The following ADAD1 variants were observed in gnomAD, a reference collection of about 807,000 sequenced individuals.
ADAD1 encodes adenosine deaminase domain containing 1, also known as adenosine deaminase domain-containing protein 1.
In ADAD1, 46 loss-of-function variants were observed where a neutral mutation model predicts 66.8. The observed-to-expected ratio is 0.69, with a 90% CI of 0.54 to 0.88. ADAD1 has a LOEUF of 0.88. Ranked by LOEUF, ADAD1 falls within the 40% of genes least tolerant of loss-of-function variation. The probability of loss-of-function intolerance (pLI) is 0.00; values close to 1 mark genes in which losing one functional copy is unlikely to be tolerated. For synonymous variants in ADAD1, 248 were observed against 229.4 expected (o/e 1.08, Z -0.73); for missense variants, 617 against 681.8 (o/e 0.91, Z 1.06).
chr4:122,412,855 A>G, intron 10 of ADAD1, 46 bp downstream of exon 10: 1 of 1,485,954 alleles, frequency 6.7e-7, no homozygotes, highest in African/African-American at 1.4e-5. Context: ...TCACTAAGCA[A>G]ATTCTCTGTA....
intron 11 of ADAD1, among the ~76,000 whole-genome samples, chr4:122,420,284 G>A (rs1227343407): frequency 2.6e-5 from 4 of 152,208 alleles, no homozygotes; most frequent in African/African-American, 9.6e-5. Context: ...AAGTTCTTGA[G>A]TCAGCTGAAT....
intron 10 of ADAD1, 46 bp from the exon 11 acceptor site, chr4:122,415,333 A>C: frequency 7.2e-7 from 1 of 1,395,242 alleles, no homozygotes; most frequent in Non-Finnish European, 1.0e-6. Context: ...TTATTTTGGG[A>C]TGTTCTTTTA....
At chr4:122,383,693 G>A in intron 4 of ADAD1, 106 bp from the exon 5 acceptor site, 1 of 1,259,792 alleles carries the variant, frequency 7.9e-7, no homozygotes. Context: ...TGTTTATGAG[G>A]TAGTTTTTGA....
chr4:122,413,797 G>A (rs966410128), intron 10 of ADAD1, among the ~76,000 whole-genome samples: 6 of 148,396 alleles, frequency 4.0e-5, no homozygotes, highest in Non-Finnish European at 8.9e-5. Context: ...TAGTGGTAGA[G>A]CCTGAATTCA....
chr4:122,379,191 C>T (rs1489600671), intron 1 of ADAD1, 76 bp downstream of exon 1: 1 of 152,310 alleles, frequency 6.6e-6, no homozygotes, highest in African/African-American at 2.4e-5. Flanking sequence ...AAATAATCAT[C>T]CCTACAGTGC....
At chr4:122,420,286 C>G (rs1266022864) in intron 11 of ADAD1, among the ~76,000 whole-genome samples, 2 of 152,322 alleles carry the variant, frequency 1.3e-5, no homozygotes, top group Non-Finnish European at 2.9e-5. Context: ...GTTCTTGAGT[C>G]AGCTGAATGG....
chr4:122,429,116 T>C (rs1214067837), intron 12 of ADAD1, among the ~76,000 whole-genome samples: 1 of 149,636 alleles, frequency 6.7e-6, no homozygotes, highest in East Asian at 1.9e-4. Context: ...AATCTTTTAA[T>C]TTAAAATGTT....
intron 7 of ADAD1, among the ~76,000 whole-genome samples, chr4:122,397,919 A>T (rs907215288): frequency 1.1e-4 from 17 of 152,210 alleles, no homozygotes; most frequent in African/African-American, 3.9e-4. Context: ...GAGTGCAATC[A>T]GATGAACATT....
intron 5 of ADAD1, among the ~76,000 whole-genome samples, chr4:122,391,822 GT>G (rs1215945624): frequency 6.6e-6 from 1 of 152,180 alleles, no homozygotes; most frequent in Non-Finnish European, 1.5e-5. Flanking sequence ...TGATTCTTGT[GT>G]CTCAGCTTCC....
Position 122,398,065 on chromosome 4 carries a change from A to T in ADAD1, c.724+1688A>T, listed in dbSNP as rs374380444. On this transcript the variant is annotated intron_variant, in intron 7 of 12. Coordinates refer to ENST00000296513, the MANE Select transcript of ADAD1 (RefSeq NM_139243.4). ...TATAGGGATAAGTTCTTTAGTGGCG[A>T]TTTCTGAGATTTTGGTGCACCCATG... Among the ~76,000 whole-genome samples, 5 of 152,054 alleles carry T rather than the reference A, an allele frequency of 3.3e-5. No homozygotes were observed. In the South Asian group the frequency reaches 6.2e-4, roughly 19 times the overall value.
In ADAD1 at chr4:122,415,299, C is replaced by T. The variant is rs936181041; in HGVS notation, c.1250-80C>T. 5.8e-5 allele frequency: 68 copies of T among 1,175,330 alleles called. 1 individual carries two copies. Among genetic ancestry groups the T allele is most frequent in the South Asian group, 4.0e-4 (27 of 67,242 alleles). The allele number at this position is 1,175,330 out of a possible 1,614,324, so 72.8% of individuals were successfully genotyped here. On this transcript the variant is annotated intron_variant, in intron 10 of 12. Transcript: ENST00000296513. Reference sequence around the variant, plus strand: ...AAAGGATAGAGAAATGGGCTTTAGACGATTTCCAATCATTTCATTTATTTT... The same window carrying T: ...AAAGGATAGAGAAATGGGCTTTAGATGATTTCCAATCATTTCATTTATTTT...
intron 5 of ADAD1, among the ~76,000 whole-genome samples, chr4:122,387,678 G>T (rs1795237393): frequency 6.6e-6 from 1 of 151,250 alleles, no homozygotes; most frequent in Non-Finnish European, 1.5e-5. Context: ...ATTGGCTTTG[G>T]TTTGTCATAA....
chr4:122,417,300 G>A (rs1416723043), intron 11 of ADAD1, among the ~76,000 whole-genome samples: 1 of 146,074 alleles, frequency 6.8e-6, no homozygotes, highest in Non-Finnish European at 1.5e-5. Context: ...TTGCACCATT[G>A]CACTCCAGCC....
chr4:122,414,187 G>C (rs1032451999), intron 10 of ADAD1, among the ~76,000 whole-genome samples: 3 of 140,184 alleles, frequency 2.1e-5, no homozygotes, highest in Non-Finnish European at 4.6e-5. Flanking sequence ...AAGCATCTAC[G>C]TAAACAATTT....
rs1261581763 is a variant in ADAD1, at chr4:122,421,377, A to G, written c.1604A>G (p.Tyr535Cys). 6.3e-7 allele frequency: 1 copy of G among 1,595,582 alleles called. No homozygotes were observed. The highest frequency in any genetic ancestry group is 1.7e-5 in the Admixed American group (1 of 59,594). The part of the protein sequence containing the change: ...AKKELLEAGT[Y>C]HAAKCMSASY... Reference sequence around the variant, plus strand: ...AAAGAATTACTTGAAGCTGGTACATATCATGCAGCTAAGGTAAGTCCTTAA... The same window carrying G: ...AAAGAATTACTTGAAGCTGGTACATGTCATGCAGCTAAGGTAAGTCCTTAA... The change falls in exon 12 of 13, where the codon TAT becomes TGT. Residue 535 changes from tyrosine to cysteine, a missense_variant. Transcript: ENST00000296513.
At chr4:122,399,740 C>CTTTTTTTT (rs145100591) in intron 7 of ADAD1, among the ~76,000 whole-genome samples, 2 of 110,532 alleles carry the variant, frequency 1.8e-5, no homozygotes, top group Non-Finnish European at 3.8e-5. Flanking sequence ...ATTTTCTTTT[C>CTTTTTTTT]TTTTTTTTTT....
chr4:122,401,019 AT>A (rs1405674177), intron 7 of ADAD1, among the ~76,000 whole-genome samples: 2 of 151,092 alleles, frequency 1.3e-5, no homozygotes, highest in Non-Finnish European at 3.0e-5. Flanking sequence ...TCTGATCTTT[AT>A]TATATCTTTT....
At chr4:122,415,798 A>AT (rs1308752662) in intron 11 of ADAD1, among the ~76,000 whole-genome samples, 182 bp downstream of exon 11, 1 of 151,884 alleles carries the variant, frequency 6.6e-6, no homozygotes, top group Non-Finnish European at 1.5e-5. Context: ...TTAATTTTAA[A>AT]TTTTTTTTCT....
At chr4:122,425,101 A>G (rs1489598520) in intron 12 of ADAD1, among the ~76,000 whole-genome samples, 2 of 152,136 alleles carry the variant, frequency 1.3e-5, no homozygotes, top group South Asian at 4.1e-4. Context: ...CAATTCAGCA[A>G]CTGTAGTTGG....
Sources: gnomAD v4.1 joint callset for allele counts (sites outside exome capture counted in the v4.1 genomes callset) on GRCh38, gnomAD v4.1.1 for gene constraint, MANE v1.5 for transcripts, NCBI Gene and HGNC (gene_info 2026-07-23, HGNC 2026-07-21) for gene names.